CAMSAP1: variants seen among roughly 807,000 people sequenced by gnomAD.
The protein encoded by CAMSAP1 is calmodulin-regulated spectrin-associated protein 1.
CAMSAP1 carries 58 observed loss-of-function variants against 143.5 expected under a neutral mutation model. The ratio of observed to expected loss-of-function variants is 0.40; its 90% CI spans 0.33 to 0.50. The LOEUF (loss-of-function observed/expected upper bound fraction) is 0.50. Ranked by LOEUF, CAMSAP1 falls within the 20% of genes least tolerant of loss-of-function variation. The pLI is 0.45. For missense variants in CAMSAP1, 1,969 were observed against 2,115.7 expected (o/e 0.93, Z 1.36); for synonymous variants, 945 against 859.3 (o/e 1.10, Z -1.74).
chr9:135,813,271 C>T (rs887896900), intron 16 of CAMSAP1, among the ~76,000 whole-genome samples: 3 of 152,162 alleles, frequency 2.0e-5, no homozygotes, highest in African/African-American at 7.2e-5. Context: ...TTGTAATGGA[C>T]GGAGGGCCCG....
rs928851837 is a variant in CAMSAP1 at position 135,866,480 on chromosome 9, T to A, written c.642A>T (p.Leu214Phe). The A allele has an allele frequency of 1.2e-5, 18 of 1,475,550 alleles. No homozygotes were observed. The highest frequency in any genetic ancestry group is 1.6e-5 in the Non-Finnish European group (17 of 1,077,878). The allele number at this position is 1,475,550 out of a possible 1,614,324, so 91.4% of individuals were successfully genotyped here. A position where few individuals can be genotyped will look rare whatever the true frequency, so the allele number is the denominator to read the frequency against. ...TEKEVKLKQQ[L>F]LESPAHQKVR... ...CCTTTTGATGAGCTGGACTTTCCAA[T>A]AACTGTTGTTTTAATTTAACTTCTT... The change falls in exon 4 of 17, where the codon TTA (leucine) becomes TTT (phenylalanine). Residue 214 changes from leucine (L) to phenylalanine (F), a missense_variant. Coordinates refer to ENST00000389532, the MANE Select transcript of CAMSAP1 (RefSeq NM_015447.4).
At chr9:135,896,388 GA>G (rs1838453300) in intron 1 of CAMSAP1, among the ~76,000 whole-genome samples, 1 of 152,150 alleles carries the variant, frequency 6.6e-6, no homozygotes, top group East Asian at 1.9e-4. Flanking sequence ...CAAAGTACAT[GA>G]AAAAAGTTGA....
chr9:135,838,858 T>G, intron 7 of CAMSAP1, among the ~76,000 whole-genome samples: 1 of 151,996 alleles, frequency 6.6e-6, no homozygotes, highest in East Asian at 1.9e-4. Context: ...CTACCCATTC[T>G]GTAGCCACAC....
chr9:135,897,423 G>C (rs546387043), intron 1 of CAMSAP1, among the ~76,000 whole-genome samples: 3 of 152,114 alleles, frequency 2.0e-5, no homozygotes, highest in Admixed American at 6.5e-5. Flanking sequence ...CAAAGTGCTT[G>C]GATTACGGGT....
At chr9:135,828,173 G>A (rs1465241118) in intron 7 of CAMSAP1, among the ~76,000 whole-genome samples, 2 of 152,248 alleles carry the variant, frequency 1.3e-5, no homozygotes, top group Non-Finnish European at 2.9e-5. Context: ...CTGCTCACCC[G>A]CCTCTCTCCC....
At chr9:135,857,700 CT>C in intron 5 of CAMSAP1, among the ~76,000 whole-genome samples, 1 of 152,308 alleles carries the variant, frequency 6.6e-6, no homozygotes, top group African/African-American at 2.4e-5. Flanking sequence ...CACTGTGAGT[CT>C]TTTTCCTGAG....
At chr9:135,874,255 T>C (rs1335346520) in intron 3 of CAMSAP1, among the ~76,000 whole-genome samples, 1 of 152,054 alleles carries the variant, frequency 6.6e-6, no homozygotes, top group African/African-American at 2.4e-5. Context: ...GGCGGATCCT[T>C]TGAGCTCAGG....
In CAMSAP1 at chr9:135,811,116, T is replaced by C. The variant is rs948655847; in HGVS notation, c.*193A>G. 20 of 650,382 alleles carry C rather than the reference T, an allele frequency of 3.1e-5. No homozygotes were observed. The African/African-American group carries it at 3.3e-4, about 11-fold the overall frequency. 40.3% of individuals were successfully genotyped at this position (650,382 alleles called of 1,614,324 possible). ...CTCACCCTGCCTGGCATCCTCTGCG[T>C]GAGATGAGCGCTGAGAGAGGGGTTT... is the stretch of plus-strand genomic sequence containing the variant. On this transcript the variant is annotated 3_prime_UTR_variant, in exon 17 of 17. Coordinates refer to ENST00000389532, the MANE Select transcript of CAMSAP1 (RefSeq NM_015447.4). The surrounding 1 kb of genome is among the most constrained non-coding windows in gnomAD (Gnocchi z 4.9).
chr9:135,865,741 T>G (rs1402722520), intron 4 of CAMSAP1, among the ~76,000 whole-genome samples: 2 of 152,122 alleles, frequency 1.3e-5, no homozygotes, highest in African/African-American at 4.8e-5. Flanking sequence ...AAGATCCAGA[T>G]GAGGGAGGCA....
intron 1 of CAMSAP1, among the ~76,000 whole-genome samples, chr9:135,894,814 T>C (rs1838396556): frequency 6.6e-6 from 1 of 152,168 alleles, no homozygotes; most frequent in African/African-American, 2.4e-5. Context: ...AACACCATGA[T>C]AAATCAAATG....
At chr9:135,865,157 G>A in intron 4 of CAMSAP1, 3 of 622,718 alleles carry the variant, frequency 4.8e-6, no homozygotes, top group Non-Finnish European at 8.6e-6. Flanking sequence ...ATATTACAAG[G>A]CCTATTCGGC....
intron 1 of CAMSAP1, among the ~76,000 whole-genome samples, chr9:135,889,489 C>T (rs529895930): frequency 3.9e-5 from 6 of 152,318 alleles, no homozygotes; most frequent in South Asian, 2.1e-4. Flanking sequence ...GGCAGAAGCC[C>T]GAACGAAACA....
At position 135,822,701 on chromosome 9, in the gene CAMSAP1, G is replaced by C. The variant is rs1274355722; in HGVS notation, c.1960C>G (p.Pro654Ala). ...ATGCCCATGGGGAATTCTGAGCATG[G>C]AATCGGGGTAAAAGTCCTATTCAAG... ...RDLNRTFTPI[P>A]CSEFPMGIDP... is the part of the protein sequence containing the mutation. Residue 654 changes from proline (P) to alanine (A), a missense_variant, in exon 11 of 17, where the codon CCA (proline) becomes GCA (alanine). By Grantham distance (27) the Pro-to-Ala change is conservative. Around this residue, in one of 4 missense-constraint regions of CAMSAP1, gnomAD observed 1,390 missense variants for 1,420.8 expected, o/e 0.98. Transcript: ENST00000389532. This position sits in a 1 kb window ranked among gnomAD's most constrained non-coding sequence, Gnocchi z 6.1. 1 of 1,610,676 alleles carries C rather than the reference G, an allele frequency of 6.2e-7. No homozygotes were observed. Among genetic ancestry groups the C allele is most frequent in the South Asian group, 1.1e-5 (1 of 90,928 alleles).
chr9:135,819,289 G>T, intron 11 of CAMSAP1, 143 bp from the exon 12 acceptor site: 1 of 1,186,140 alleles, frequency 8.4e-7, no homozygotes, highest in Non-Finnish European at 1.1e-6. Context: ...AACCGTTACA[G>T]ACTCTGAAAT....
rs1433353523 is a variant in CAMSAP1 at position 135,824,257 on chromosome 9, C to T, written c.1316-223G>A. ...CAGCATGTGTGAGCCCTGCTTATGT[C>T]GCAGTTACTCTGTGTCTACTACACA... is the stretch of plus-strand genomic sequence containing the variant. On this transcript the variant is annotated intron_variant, in intron 9 of 16. Transcript: ENST00000389532. This position sits in a 1 kb window ranked among gnomAD's most constrained non-coding sequence, Gnocchi z 4.1. 1.3e-5 allele frequency among the ~76,000 whole-genome samples: 2 copies of T among 152,202 alleles called. No individual in the cohort carries two copies. Among genetic ancestry groups the T allele is most frequent in the Middle Eastern group, 6.3e-3 (2 of 316 alleles).
In CAMSAP1 at chr9:135,824,600, G is replaced by C. The variant is rs1835604653; in HGVS notation, c.1315+189C>G. Among the ~76,000 whole-genome samples, 1 of 152,184 alleles carries C rather than the reference G, an allele frequency of 6.6e-6. No individual in the cohort carries two copies. The highest frequency in any genetic ancestry group is 2.1e-4 in the South Asian group (1 of 4,832). ...GAATTGCTTGAACCAGGGAGTCAGAGGCTGCAGTGAGCCGAGATCGCGCCA... is the reference window on the plus strand; with the variant it reads ...GAATTGCTTGAACCAGGGAGTCAGACGCTGCAGTGAGCCGAGATCGCGCCA... On this transcript the variant is annotated intron_variant, in intron 9 of 16. Transcript: ENST00000389532. The surrounding 1 kb of genome is among the most constrained non-coding windows in gnomAD (Gnocchi z 4.1).
chr9:135,863,683 T>G (rs892583791), intron 4 of CAMSAP1, among the ~76,000 whole-genome samples: 1 of 152,192 alleles, frequency 6.6e-6, no homozygotes, highest in African/African-American at 2.4e-5. Flanking sequence ...AATTTAGCAA[T>G]AAGGCTTATT....
At chr9:135,849,936 T>C in intron 7 of CAMSAP1, 1 of 451,396 alleles carries the variant, frequency 2.2e-6, no homozygotes, top group Non-Finnish European at 3.9e-6. Context: ...TTTTTAGAGC[T>C]GTGATTCGTA....
intron 3 of CAMSAP1, among the ~76,000 whole-genome samples, chr9:135,874,478 A>AAAGG (rs534724683): frequency 9.2e-5 from 9 of 98,226 alleles, no homozygotes; most frequent in African/African-American, 3.4e-4. Flanking sequence ...GTCTCAAAAA[A>AAAGG]GGGGGGGGGG....
Sources: allele counts gnomAD v4.1 joint callset (sites outside exome capture counted in the v4.1 genomes callset), GRCh38; gene constraint gnomAD v4.1.1; regional missense constraint gnomAD v4.1.1; non-coding constraint Gnocchi (gnomAD v3.1); transcripts MANE v1.5; gene names NCBI Gene and HGNC (gene_info 2026-07-23, HGNC 2026-07-21).